PCCB: variants seen among roughly 807,000 people sequenced by gnomAD.
PCCB encodes propionyl-CoA carboxylase beta chain, mitochondrial.
A neutral mutation model predicts 60.7 loss-of-function variants in PCCB; 43 were observed. That is an observed-to-expected ratio of 0.71 (90% CI 0.55 to 0.91). The LOEUF is 0.91. Among genes scored for constraint, PCCB ranks in the 40% least tolerant of loss-of-function variants. The probability of loss-of-function intolerance (pLI) is 0.00; values close to 1 mark genes in which losing one functional copy is unlikely to be tolerated. For missense variants in PCCB, 766 were observed against 702.8 expected (o/e 1.09, Z -1.02); for synonymous variants, 276 against 255.9 (o/e 1.08, Z -0.75).
intron 5 of PCCB, 62 bp downstream of exon 5, chr3:136,262,127 TG>T: frequency 9.7e-7 from 1 of 1,036,086 alleles, no homozygotes; most frequent in Non-Finnish European, 1.5e-6. Flanking sequence ...AGCCATGGCC[TG>T]GCCAGAGCTT....
chr3:136,271,766 G>A (rs1455264811), intron 5 of PCCB, among the ~76,000 whole-genome samples: 1 of 152,032 alleles, frequency 6.6e-6, no homozygotes, highest in East Asian at 1.9e-4. Context: ...TGGATGAGTC[G>A]CTAGAGTTTT....
At chr3:136,260,998 C>G (rs979886046) in intron 4 of PCCB, among the ~76,000 whole-genome samples, 5 of 152,090 alleles carry the variant, frequency 3.3e-5, no homozygotes, top group Non-Finnish European at 7.4e-5. Flanking sequence ...GGCTCATTGC[C>G]TATATCAATA....
chr3:136,279,762 G>T (rs1042557972), intron 5 of PCCB, among the ~76,000 whole-genome samples: 9 of 152,080 alleles, frequency 5.9e-5, no homozygotes, highest in African/African-American at 2.2e-4. Flanking sequence ...CCGCCTCCCA[G>T]GTTCACGCCA....
chr3:136,306,178 G>A (rs1336884506), intron 9 of PCCB, among the ~76,000 whole-genome samples: 3 of 123,038 alleles, frequency 2.4e-5, no homozygotes, highest in African/African-American at 7.5e-5. Flanking sequence ...CAAAAAGTGA[G>A]AATGAAACAT....
At chr3:136,252,526 A>ATTTTT (rs768208532) in intron 1 of PCCB, 1 of 261,972 alleles carries the variant, frequency 3.8e-6, no homozygotes, top group African/African-American at 2.4e-5. Flanking sequence ...GGATGACAGA[A>ATTTTT]TTTTTTTTTT....
intron 8 of PCCB, 105 bp from the exon 9 acceptor site, chr3:136,300,925 C>G: frequency 1.3e-6 from 1 of 797,334 alleles, no homozygotes; most frequent in Non-Finnish European, 2.2e-6. Flanking sequence ...ACAGAACTGG[C>G]CCAGTCCCTA....
intron 9 of PCCB, among the ~76,000 whole-genome samples, chr3:136,308,793 C>T (rs1025550821): frequency 6.6e-6 from 1 of 152,064 alleles, no homozygotes; most frequent in Non-Finnish European, 1.5e-5. Context: ...AAGTAGCCTC[C>T]AGCCGGGAAA....
chr3:136,275,229 T>A (rs1560006465), intron 5 of PCCB, among the ~76,000 whole-genome samples: 1 of 152,244 alleles, frequency 6.6e-6, no homozygotes, highest in Non-Finnish European at 1.5e-5. Context: ...GTTGAAACTT[T>A]CCATTGCATT....
rs771162488 is a variant in PCCB at position 136,310,111 on chromosome 3, TC to T, written c.967-6827del. Among the ~76,000 whole-genome samples, 14 of 152,006 alleles carry T rather than the reference TC, an allele frequency of 9.2e-5. No homozygotes were observed. In the East Asian group the frequency reaches 2.7e-3, roughly 30 times the overall value. On this transcript the variant is annotated intron_variant, in intron 9 of 14. Transcript: ENST00000251654. ...CAGGCAAGGTGGCTCACACCTGTAA[TC>T]CCGCACTTTGGGAGGCCGAGGTGGG...
At chr3:136,294,545 A>G (rs1933848985) in intron 7 of PCCB, among the ~76,000 whole-genome samples, 1 of 151,896 alleles carries the variant, frequency 6.6e-6, no homozygotes, top group Admixed American at 6.6e-5. Context: ...CTTGGCCTCA[A>G]GCAATCTGCC....
chr3:136,297,129 A>T (rs943412335), intron 7 of PCCB, among the ~76,000 whole-genome samples: 5 of 152,132 alleles, frequency 3.3e-5, no homozygotes, highest in Admixed American at 3.3e-4. Context: ...GATTTTAAGG[A>T]GTTAACTGCA....
chr3:136,300,348 C>A (rs896012805), intron 8 of PCCB, among the ~76,000 whole-genome samples: 4 of 152,176 alleles, frequency 2.6e-5, no homozygotes, highest in African/African-American at 9.7e-5. Flanking sequence ...TAGCCCCTGG[C>A]TGCCCACACT....
rs1275132842 is a variant in PCCB at position 136,256,605 on chromosome 3, G to C, written c.354G>C (p.Leu118Phe). The change falls in exon 3 of 15, where the codon TTG becomes TTC. Residue 118 changes from leucine (L) to phenylalanine (F), a missense_variant. Coordinates refer to ENST00000251654, the MANE Select transcript of PCCB (RefSeq NM_000532.5). ...GACGAGGCCGAATCAATGGAAGATTGGTTTATGTCTTCAGTCAGGTATTTC... is the reference window on the plus strand; with the variant it reads ...GACGAGGCCGAATCAATGGAAGATTCGTTTATGTCTTCAGTCAGGTATTTC... The part of the protein sequence containing the change: ...VTGRGRINGR[L>F]VYVFSQDFTV... The C allele has an allele frequency of 6.2e-7, 1 of 1,611,702 alleles. No individual in the cohort carries two copies. Among genetic ancestry groups the C allele is most frequent in the South Asian group, 1.1e-5 (1 of 91,020 alleles).
intron 9 of PCCB, among the ~76,000 whole-genome samples, chr3:136,302,173 C>T (rs1429227801): frequency 1.5e-5 from 1 of 66,854 alleles, no homozygotes; most frequent in Non-Finnish European, 4.3e-5. Context: ...CACCCCGGCT[C>T]CTGCAAGCTG....
rs764080368 is a variant in PCCB, at chr3:136,316,991, C to G, written c.1017C>G (p.Asn339Lys). The change falls in exon 10 of 15, where the codon AAC becomes AAG. Residue 339 changes from asparagine to lysine, a missense_variant. Transcript: ENST00000251654. ...AGATCATGCCCAATTATGCCAAGAA[C>G]ATCATTGTTGGTTTTGCAAGAATGA... ...FFEIMPNYAK[N>K]IIVGFARMNG... The G allele has an allele frequency of 1.2e-6, 2 of 1,613,956 alleles. No homozygotes were observed. Among genetic ancestry groups the G allele is most frequent in the East Asian group, 2.2e-5 (1 of 44,870 alleles).
intron 9 of PCCB, among the ~76,000 whole-genome samples, chr3:136,314,590 G>A (rs1269513727): frequency 1.3e-5 from 2 of 152,124 alleles, no homozygotes; most frequent in African/African-American, 2.4e-5. Context: ...GGGAGGTGGA[G>A]GTTGCATCGA....
chr3:136,302,095 CTG>C (rs1934309374), intron 9 of PCCB, among the ~76,000 whole-genome samples: 1 of 152,196 alleles, frequency 6.6e-6, no homozygotes, highest in Non-Finnish European at 1.5e-5. Context: ...CTTTGCACCT[CTG>C]TGATCAGAAG....
At chr3:136,321,684 C>T (rs1407860430) in intron 10 of PCCB, among the ~76,000 whole-genome samples, 1 of 152,184 alleles carries the variant, frequency 6.6e-6, no homozygotes, top group South Asian at 2.1e-4. Flanking sequence ...ATTACAGCTT[C>T]CTCTCTCAAC....
intron 5 of PCCB, among the ~76,000 whole-genome samples, chr3:136,281,787 C>T (rs1942481773): frequency 6.6e-6 from 1 of 152,126 alleles, no homozygotes; most frequent in Non-Finnish European, 1.5e-5. Flanking sequence ...TTTTGCTTGT[C>T]AACTGCTGGG....
Sources: allele counts gnomAD v4.1 joint callset (sites outside exome capture counted in the v4.1 genomes callset), GRCh38; gene constraint gnomAD v4.1.1; transcripts MANE v1.5; gene names NCBI Gene and HGNC (gene_info 2026-07-23, HGNC 2026-07-21).